FGFR1OP2: variants seen among roughly 807,000 people sequenced by gnomAD.
The protein encoded by FGFR1OP2 is FGFR1 oncogene partner 2.
Under a neutral mutation model 35.2 loss-of-function variants are expected in FGFR1OP2, and 17 were observed. The observed-to-expected ratio is 0.48, with a 90% CI of 0.33 to 0.73. The LOEUF (loss-of-function observed/expected upper bound fraction) is 0.73, where lower values mean the gene tolerates loss of function less well. Among genes scored for constraint, FGFR1OP2 ranks in the 30% least tolerant of loss-of-function variants. The probability of loss-of-function intolerance (pLI) is 0.02; values close to 1 mark genes in which losing one functional copy is unlikely to be tolerated. For missense variants in FGFR1OP2, 251 were observed against 307.3 expected (o/e 0.82, Z 1.37); for synonymous variants, 105 against 104.6 (o/e 1.00, Z -0.03).
At chr12:26,959,963 G>A (rs1324661043) in intron 4 of FGFR1OP2, among the ~76,000 whole-genome samples, 4 of 152,122 alleles carry the variant, frequency 2.6e-5, no homozygotes, top group South Asian at 2.1e-4. Context: ...TTACTGGAAC[G>A]CTAGAGGGAA....
chr12:26,946,708 G>T (rs558744147), intron 1 of FGFR1OP2, among the ~76,000 whole-genome samples: 69 of 152,150 alleles, frequency 4.5e-4, no homozygotes, highest in Non-Finnish European at 7.8e-4. Flanking sequence ...CCTATTTAAA[G>T]TGTACACTTT....
At chr12:26,938,852 C>T (rs1449164590) in intron 1 of FGFR1OP2, 142 bp downstream of exon 1, 1 of 152,220 alleles carries the variant, frequency 6.6e-6, no homozygotes, top group Non-Finnish European at 1.5e-5. Context: ...GCCGCGGGCT[C>T]CCTGCTCCTG....
intron 5 of FGFR1OP2, chr12:26,961,556 G>C (rs954008802): frequency 1.3e-5 from 2 of 152,068 alleles, no homozygotes; most frequent in Admixed American, 1.3e-4. Context: ...GGCCAACATG[G>C]TGAAACCCCA....
chr12:26,949,295 C>T (rs1375554271), intron 1 of FGFR1OP2, among the ~76,000 whole-genome samples: 1 of 152,006 alleles, frequency 6.6e-6, no homozygotes, highest in East Asian at 1.9e-4. Context: ...ACCACCACGC[C>T]CTGCTAATTT....
In FGFR1OP2 at chr12:26,957,614, T is replaced by C. The variant is rs1476782112; in HGVS notation, c.267T>C (p.Ser89=). 1 of 1,612,434 alleles carries C rather than the reference T, an allele frequency of 6.2e-7. No individual in the cohort carries two copies. The highest frequency in any genetic ancestry group is 2.2e-5 in the East Asian group (1 of 44,808). The change falls in exon 4 of 7, where the codon TCT becomes TCC. Residue 89 remains serine, a synonymous_variant. Coordinates refer to ENST00000229395, the MANE Select transcript of FGFR1OP2 (RefSeq NM_015633.3). ...LQQENKELRT[S]LEEHQSALEL... ...TATTCTTGATAGAATTACGTACATC[T>C]CTGGAAGAACATCAGTCGGCCTTGG...
chr12:26,942,609 A>G (rs1565846197), intron 1 of FGFR1OP2, among the ~76,000 whole-genome samples: 2 of 152,190 alleles, frequency 1.3e-5, no homozygotes, highest in African/African-American at 2.4e-5. Context: ...AGTTTATTTT[A>G]CAGCTGTTAC....
At chr12:26,955,754 G>A (rs565028780) in intron 2 of FGFR1OP2, among the ~76,000 whole-genome samples, 2 of 152,238 alleles carry the variant, frequency 1.3e-5, no homozygotes, top group African/African-American at 4.8e-5. Context: ...TACTTTTTTG[G>A]CTGGTAAGAA....
intron 1 of FGFR1OP2, among the ~76,000 whole-genome samples, chr12:26,942,154 T>C (rs1043577025): frequency 6.6e-6 from 1 of 152,222 alleles, no homozygotes; most frequent in African/African-American, 2.4e-5. Context: ...TGCCTCAGCC[T>C]CCAGAGTAGC....
intron 4 of FGFR1OP2, 31 bp from the exon 5 acceptor site, chr12:26,960,484 G>A (rs1489435633): frequency 1.1e-5 from 16 of 1,483,304 alleles, no homozygotes; most frequent in East Asian, 4.6e-5. Flanking sequence ...GATGATATCC[G>A]TATTAACATT....
At chr12:26,948,599 C>T (rs1938866256) in intron 1 of FGFR1OP2, among the ~76,000 whole-genome samples, 1 of 152,134 alleles carries the variant, frequency 6.6e-6, no homozygotes, top group Non-Finnish European at 1.5e-5. Flanking sequence ...GGAAATGTGA[C>T]TACAACGTGT....
intron 4 of FGFR1OP2, 175 bp downstream of exon 4, chr12:26,957,918 G>A: frequency 2.0e-6 from 1 of 502,264 alleles, no homozygotes; most frequent in Non-Finnish European, 3.4e-6. Context: ...TCCATTTCTT[G>A]TTATATATCA....
intron 1 of FGFR1OP2, among the ~76,000 whole-genome samples, chr12:26,945,198 T>C (rs1358489503): frequency 6.6e-6 from 1 of 152,096 alleles, no homozygotes; most frequent in Non-Finnish European, 1.5e-5. Flanking sequence ...CTCTGTTGCT[T>C]TCTTGTTCTC....
intron 1 of FGFR1OP2, among the ~76,000 whole-genome samples, chr12:26,948,615 G>A (rs1938866751): frequency 2.0e-5 from 3 of 152,196 alleles, no homozygotes; most frequent in African/African-American, 7.2e-5. Flanking sequence ...CGTGTCTGGA[G>A]TTAGATCTTG....
At chr12:26,953,416 T>C (rs1052722066) in intron 1 of FGFR1OP2, 6 of 152,274 alleles carry the variant, frequency 3.9e-5, no homozygotes, top group African/African-American at 1.4e-4. Flanking sequence ...AAGCTGACAA[T>C]TGACTGTTTC....
At chr12:26,945,435 C>T (rs1274144997) in intron 1 of FGFR1OP2, among the ~76,000 whole-genome samples, 1 of 152,100 alleles carries the variant, frequency 6.6e-6, no homozygotes, top group Non-Finnish European at 1.5e-5. Flanking sequence ...ATCAAAGTAT[C>T]TTCTAATTTC....
At chr12:26,956,143 C>A (rs1036697947) in intron 2 of FGFR1OP2, among the ~76,000 whole-genome samples, 1 of 152,114 alleles carries the variant, frequency 6.6e-6, no homozygotes, top group Middle Eastern at 3.2e-3. Flanking sequence ...TGAACTACAT[C>A]ATTTTACATT....
chr12:26,956,502 T>TATA, intron 2 of FGFR1OP2, 41 bp from the exon 3 acceptor site: 1 of 470,288 alleles, frequency 2.1e-6, no homozygotes. Context: ...ATATATATAT[T>TATA]TGCAGGTATT....
intron 5 of FGFR1OP2, chr12:26,961,176 A>G (rs531378352): frequency 6.6e-6 from 1 of 152,460 alleles, no homozygotes; most frequent in East Asian, 1.9e-4. Context: ...ACAGGGAGTT[A>G]GAAATGAAAG....
intron 1 of FGFR1OP2, among the ~76,000 whole-genome samples, chr12:26,942,313 G>A (rs1025573259): frequency 6.6e-6 from 1 of 152,232 alleles, no homozygotes; most frequent in African/African-American, 2.4e-5. Context: ...TTACAGGCGT[G>A]AGCCACTCAG....
Sources: gnomAD v4.1 joint callset for allele counts (sites outside exome capture counted in the v4.1 genomes callset) on GRCh38, gnomAD v4.1.1 for gene constraint, MANE v1.5 for transcripts, NCBI Gene and HGNC (gene_info 2026-07-23, HGNC 2026-07-21) for gene names.